SCTR: variants seen among roughly 807,000 people sequenced by gnomAD.
The protein encoded by SCTR is pancreatic secretin receptor.
Under a neutral mutation model 60.8 loss-of-function variants are expected in SCTR, and 56 were observed. The observed-to-expected ratio is 0.92, with a 90% confidence interval of 0.74 to 1.15. The LOEUF is 1.15. SCTR is among the 50% of genes most tolerant of loss of function. The pLI is 0.00. For synonymous variants in SCTR, 202 were observed against 217.0 expected (o/e 0.93, Z 0.61); for missense variants, 562 against 550.4 (o/e 1.02, Z -0.21).
Position 119,466,435 on chromosome 2 carries a change from TTTCA to T in SCTR, c.406-553_406-550del, listed in dbSNP as rs150546394. 8.3e-3 allele frequency among the ~76,000 whole-genome samples: 1,262 copies of T among 152,306 alleles called. 19 individuals carry two copies. The highest frequency in any genetic ancestry group is 0.029 in the African/African-American group (1,192 of 41,570). ...CAGCTATTCTGCCCATCTGTTTCTC[TTTCA>T]TTTTCTCTATGTCAAATATTCCCTG... is the stretch of plus-strand genomic sequence containing the variant. On this transcript the variant is annotated intron_variant, in intron 4 of 12. Coordinates refer to ENST00000019103, the MANE Select transcript of SCTR (RefSeq NM_002980.3).
intron 7 of SCTR, among the ~76,000 whole-genome samples, chr2:119,460,164 G>C (rs990894272): frequency 6.6e-6 from 1 of 151,758 alleles, no homozygotes; most frequent in African/African-American, 2.4e-5. Context: ...TCGGGAGACA[G>C]GGCCCTTGTA....
chr2:119,516,292 C>G (rs576244476), intron 1 of SCTR, among the ~76,000 whole-genome samples: 19 of 152,280 alleles, frequency 1.2e-4, no homozygotes, highest in African/African-American at 4.3e-4. Context: ...CACTATTCAC[C>G]ATTGCCAAGA....
intron 4 of SCTR, among the ~76,000 whole-genome samples, chr2:119,471,098 G>A (rs576788498): frequency 8.5e-5 from 13 of 152,276 alleles, no homozygotes; most frequent in Non-Finnish European, 1.8e-4. Flanking sequence ...CACAGACCCT[G>A]GTGATTCTGT....
intron 11 of SCTR, among the ~76,000 whole-genome samples, chr2:119,446,449 G>A (rs910278924): frequency 2.6e-5 from 4 of 152,114 alleles, no homozygotes; most frequent in African/African-American, 4.8e-5. Flanking sequence ...GGCCATCCGC[G>A]CTTACGTTAT....
intron 4 of SCTR, among the ~76,000 whole-genome samples, chr2:119,468,346 T>C (rs1683924275): frequency 6.6e-6 from 1 of 152,154 alleles, no homozygotes; most frequent in Admixed American, 6.5e-5. Flanking sequence ...TGTCACACAG[T>C]GTACTGTAGA....
chr2:119,452,773 C>T (rs897958486), intron 8 of SCTR, among the ~76,000 whole-genome samples: 35 of 152,162 alleles, frequency 2.3e-4, no homozygotes, highest in South Asian at 4.2e-4. Context: ...CGCTGCCTCG[C>T]TGCTGCCCTG....
At chr2:119,448,387 A>G (rs926828820) in intron 10 of SCTR, among the ~76,000 whole-genome samples, 3 of 152,168 alleles carry the variant, frequency 2.0e-5, no homozygotes, top group African/African-American at 7.2e-5. Flanking sequence ...ACCTACACAC[A>G]TTTGTGTGAA....
chr2:119,458,009 T>G (rs1471357860), intron 7 of SCTR, among the ~76,000 whole-genome samples: 2 of 152,066 alleles, frequency 1.3e-5, no homozygotes, highest in Non-Finnish European at 2.9e-5. Context: ...AACAAATGCC[T>G]TGGGCTGGGT....
intron 1 of SCTR, among the ~76,000 whole-genome samples, chr2:119,517,918 C>T (rs1178368955): frequency 6.6e-6 from 1 of 152,054 alleles, no homozygotes; most frequent in Non-Finnish European, 1.5e-5. Context: ...GGAGGTAGGG[C>T]CCATAAGGAG....
intron 11 of SCTR, among the ~76,000 whole-genome samples, chr2:119,446,284 T>C (rs1682921599): frequency 6.6e-6 from 1 of 152,072 alleles, no homozygotes. Context: ...CTTAACTGCT[T>C]CTAAAAAATA....
chr2:119,503,394 C>T (rs1678622004), intron 1 of SCTR, among the ~76,000 whole-genome samples: 1 of 151,928 alleles, frequency 6.6e-6, no homozygotes, highest in Admixed American at 6.6e-5. Context: ...AGTGAGATCC[C>T]ATCGCTTAAA....
intron 7 of SCTR, among the ~76,000 whole-genome samples, chr2:119,458,451 A>T (rs532004918): frequency 6.6e-6 from 1 of 151,970 alleles, no homozygotes; most frequent in Non-Finnish European, 1.5e-5. Context: ...AACACAAAAA[A>T]TTAGCTGGGT....
chr2:119,465,259 G>T (rs1262806994), intron 5 of SCTR, among the ~76,000 whole-genome samples: 1 of 152,200 alleles, frequency 6.6e-6, no homozygotes, highest in Non-Finnish European at 1.5e-5. Context: ...ATGAATGCCA[G>T]CAACTGCTGG....
intron 12 of SCTR, among the ~76,000 whole-genome samples, chr2:119,440,568 C>A (rs908203137): frequency 8.5e-5 from 13 of 152,204 alleles, no homozygotes; most frequent in East Asian, 3.8e-4. Context: ...AGCTCCCTGG[C>A]CCCCAGGCTG....
At chr2:119,457,403 G>C (rs968788551) in intron 7 of SCTR, among the ~76,000 whole-genome samples, 1 of 152,172 alleles carries the variant, frequency 6.6e-6, no homozygotes, top group African/African-American at 2.4e-5. Context: ...AAGAATGGAG[G>C]TAGAGGATTA....
chr2:119,446,085 C>A (rs1682915279), intron 11 of SCTR, among the ~76,000 whole-genome samples: 1 of 152,228 alleles, frequency 6.6e-6, no homozygotes, highest in Non-Finnish European at 1.5e-5. Flanking sequence ...AAGTTCACAG[C>A]ATCTTGTGGA....
chr2:119,441,037 G>A (rs188448372), intron 12 of SCTR, among the ~76,000 whole-genome samples: 4 of 152,304 alleles, frequency 2.6e-5, no homozygotes, highest in Admixed American at 1.3e-4. Flanking sequence ...TGTGAGGCTC[G>A]AGTCCTCAAA....
intron 1 of SCTR, among the ~76,000 whole-genome samples, chr2:119,523,036 C>T (rs57600309): frequency 2.4e-3 from 360 of 152,240 alleles, no homozygotes; most frequent in African/African-American, 8.3e-3. Flanking sequence ...ACACTCTGGT[C>T]GGCTCCGGGA....
At chr2:119,449,936 CAAAA>C (rs939174692) in intron 9 of SCTR, among the ~76,000 whole-genome samples, 1 of 75,776 alleles carries the variant, frequency 1.3e-5, no homozygotes, top group African/African-American at 5.3e-5. Flanking sequence ...CACTTGAAGA[CAAAA>C]AAAAGAAGGA....
Sources: gnomAD v4.1 joint callset for allele counts (sites outside exome capture counted in the v4.1 genomes callset) on GRCh38, gnomAD v4.1.1 for gene constraint, MANE v1.5 for transcripts, NCBI Gene and HGNC (gene_info 2026-07-23, HGNC 2026-07-21) for gene names.